IL16: variants seen among roughly 807,000 people sequenced by gnomAD.
IL16 encodes interleukin 16.
A neutral mutation model predicts 110.1 loss-of-function variants in IL16; 67 were observed. That is an observed-to-expected ratio of 0.61 (90% confidence interval 0.50 to 0.75). IL16 has a LOEUF of 0.75. Ranked by LOEUF, IL16 falls within the 30% of genes least tolerant of loss-of-function variation. The pLI is 0.00. For synonymous variants in IL16, 689 were observed against 662.9 expected (o/e 1.04, Z -0.61); for missense variants, 1,545 against 1,655.0 (o/e 0.93, Z 1.15).
intron 2 of IL16, among the ~76,000 whole-genome samples, chr15:81,226,588 A>G (rs1326836890): frequency 6.6e-6 from 1 of 152,230 alleles, no homozygotes; most frequent in Non-Finnish European, 1.5e-5. Flanking sequence ...TCACCTCTGT[A>G]CAGCTTGCCT....
intron 1 of IL16, among the ~76,000 whole-genome samples, chr15:81,201,399 T>G (rs906910434): frequency 1.3e-5 from 2 of 152,112 alleles, no homozygotes; most frequent in African/African-American, 4.8e-5. Context: ...AGCTGTTATT[T>G]TGCATTTCTT....
Position 81,219,548 on chromosome 15 carries a change from G to A in IL16, c.-101-5751G>A, listed in dbSNP as rs761813721. Among the ~76,000 whole-genome samples, 10 of 152,066 alleles carry A rather than the reference G, an allele frequency of 6.6e-5. No homozygotes were observed. The South Asian group carries it at 8.3e-4, about 13-fold the overall frequency. On this transcript the variant is annotated intron_variant, in intron 1 of 18. Transcript: ENST00000683961. ...CTTGTTGAGGCCCACCTGATGCCCCGCTCATGCCTGTGCACTGATGGTTAG... is the reference window on the plus strand; with the variant it reads ...CTTGTTGAGGCCCACCTGATGCCCCACTCATGCCTGTGCACTGATGGTTAG...
chr15:81,297,827 C>T (rs962574168), intron 13 of IL16, among the ~76,000 whole-genome samples: 1 of 152,070 alleles, frequency 6.6e-6, no homozygotes, highest in Non-Finnish European at 1.5e-5. Flanking sequence ...TAGTCAGGTC[C>T]TGCCTCCAAG....
intron 1 of IL16, among the ~76,000 whole-genome samples, chr15:81,220,443 C>A (rs1176234288): frequency 6.6e-6 from 1 of 152,248 alleles, no homozygotes; most frequent in Non-Finnish European, 1.5e-5. Context: ...GCTTGAGCCA[C>A]TGTACCCCAC....
chr15:81,235,219 G>A (rs559535530), intron 2 of IL16, among the ~76,000 whole-genome samples: 7 of 152,094 alleles, frequency 4.6e-5, no homozygotes, highest in Non-Finnish European at 8.8e-5. Flanking sequence ...TTTCTATAAA[G>A]GAATACCTGA....
At chr15:81,243,040 C>A (rs1416288252) in intron 2 of IL16, among the ~76,000 whole-genome samples, 1 of 148,458 alleles carries the variant, frequency 6.7e-6, no homozygotes, top group African/African-American at 2.5e-5. Context: ...ATTGAGCCAT[C>A]CTTGCATTCC....
intron 10 of IL16, among the ~76,000 whole-genome samples, chr15:81,288,174 G>A (rs1199290670): frequency 6.6e-6 from 1 of 152,204 alleles, no homozygotes; most frequent in African/African-American, 2.4e-5. Flanking sequence ...AGACACCCTA[G>A]GCCGTGGAGA....
intron 1 of IL16, among the ~76,000 whole-genome samples, chr15:81,191,335 G>T (rs1315763665): frequency 6.6e-6 from 1 of 152,174 alleles, no homozygotes; most frequent in East Asian, 1.9e-4. Context: ...TTAAACCTGG[G>T]CCTAATCACA....
At chr15:81,307,932 C>G (rs1477692669) in intron 18 of IL16, among the ~76,000 whole-genome samples, 1 of 152,200 alleles carries the variant, frequency 6.6e-6, no homozygotes, top group Non-Finnish European at 1.5e-5. Context: ...TTGCCCAATA[C>G]ACTTTAGCTA....
At position 81,231,427 on chromosome 15, in the gene IL16, C is replaced by A. The variant is rs140647264; in HGVS notation, c.312+5716C>A. ...TTGCTTTGTCACCCAGGCTGGGATG[C>A]AATGGCATGAACATGGGCTCACCAC... On this transcript the variant is annotated intron_variant, in intron 2 of 18. Transcript: ENST00000683961. 8.1e-4 allele frequency among the ~76,000 whole-genome samples: 122 copies of A among 150,058 alleles called. No individual in the cohort carries two copies. The East Asian group carries it at 0.013, about 15-fold the overall frequency.
At chr15:81,219,429 C>T (rs1370268037) in intron 1 of IL16, among the ~76,000 whole-genome samples, 2 of 151,592 alleles carry the variant, frequency 1.3e-5, no homozygotes, top group Non-Finnish European at 2.9e-5. Context: ...TATAGCAGGC[C>T]TTTGGAGGTA....
At chr15:81,248,310 A>G (rs924511168) in intron 2 of IL16, among the ~76,000 whole-genome samples, 6 of 151,900 alleles carry the variant, frequency 3.9e-5, no homozygotes, top group African/African-American at 1.4e-4. Flanking sequence ...GTTTTCAACT[A>G]CACACACACC....
chr15:81,289,392 C>T (rs754167249), intron 10 of IL16, among the ~76,000 whole-genome samples: 2 of 152,204 alleles, frequency 1.3e-5, no homozygotes, highest in Admixed American at 1.3e-4. Flanking sequence ...GCCTCAGCCT[C>T]CCAGAGTGCT....
At chr15:81,221,788 T>TGGGCCCTGCCATCCCAC (rs1327935077) in intron 1 of IL16, among the ~76,000 whole-genome samples, 1 of 152,190 alleles carries the variant, frequency 6.6e-6, no homozygotes, top group Admixed American at 6.5e-5. Flanking sequence ...TCCCATCCCA[T>TGGGCCCTGCCATCCCAC]GGGCCCTGCC....
intron 6 of IL16, among the ~76,000 whole-genome samples, chr15:81,273,690 C>G (rs956640720): frequency 1.3e-5 from 2 of 152,142 alleles, no homozygotes; most frequent in African/African-American, 2.4e-5. Context: ...TTGCTAGGAG[C>G]CTACTGAATC....
At position 81,225,369 on chromosome 15, in the gene IL16, G is replaced by A. The variant is rs770980958; in HGVS notation, c.-31G>A. 2.9e-5 allele frequency: 46 copies of A among 1,608,756 alleles called. No individual in the cohort carries two copies. The highest frequency in any genetic ancestry group is 8.4e-5 in the Admixed American group (5 of 59,650). On this transcript the variant is annotated 5_prime_UTR_variant, in exon 2 of 19. Transcript: ENST00000683961. ...AGCCAAGGGCCAGAGACCAGGAAAGGAAGAAAGGCAGCTTCACTTCCTCTT... is the reference window on the plus strand; with the variant it reads ...AGCCAAGGGCCAGAGACCAGGAAAGAAAGAAAGGCAGCTTCACTTCCTCTT...
At chr15:81,258,363 A>C (rs942978575) in intron 2 of IL16, among the ~76,000 whole-genome samples, 1 of 152,196 alleles carries the variant, frequency 6.6e-6, no homozygotes. Flanking sequence ...CATACTCAAT[A>C]CTATAAAATA....
chr15:81,282,721 A>G lies in IL16; in HGVS notation c.1164A>G (p.Ser388=). The change falls in exon 9 of 19, where the codon TCA becomes TCG. Residue 388 remains serine, a synonymous_variant. Transcript: ENST00000683961. The stretch of plus-strand genomic sequence containing the variant: ...CTGGCATTTTCGTCCACACGCTGTC[A>G]CCAGGATCCGTGGCGCACCTGGACG... ...CISGIFVHTL[S]PGSVAHLDGR... is the part of the protein sequence containing the mutation. 6.2e-7 allele frequency: 1 copy of G among 1,614,160 alleles called. No individual in the cohort carries two copies. The highest frequency in any genetic ancestry group is 8.5e-7 in the Non-Finnish European group (1 of 1,179,998).
At chr15:81,212,900 A>G (rs1896300756) in intron 1 of IL16, among the ~76,000 whole-genome samples, 1 of 151,838 alleles carries the variant, frequency 6.6e-6, no homozygotes, top group South Asian at 2.1e-4. Flanking sequence ...CTCTAATTCT[A>G]TTTATATCTT....
Sources: allele counts gnomAD v4.1 joint callset (sites outside exome capture counted in the v4.1 genomes callset), GRCh38; gene constraint gnomAD v4.1.1; transcripts MANE v1.5; gene names NCBI Gene and HGNC (gene_info 2026-07-23, HGNC 2026-07-21).